STK39: variants seen among roughly 807,000 people sequenced by gnomAD.
STK39 encodes the protein STE20/SPS1-related proline-alanine-rich protein kinase.
In STK39, 20 loss-of-function variants were observed where a neutral mutation model predicts 77.8. The observed-to-expected ratio is 0.26, with a 90% CI of 0.18 to 0.37. The LOEUF (loss-of-function observed/expected upper bound fraction) is 0.37, where lower values mean the gene tolerates loss of function less well. Among genes scored for constraint, STK39 ranks in the 10% least tolerant of loss-of-function variants. The pLI is 1.00. For synonymous variants in STK39, 246 were observed against 234.1 expected (o/e 1.05, Z -0.47); for missense variants, 479 against 656.5 (o/e 0.73, Z 2.95).
intron 10 of STK39, among the ~76,000 whole-genome samples, chr2:168,108,684 G>A (rs919926302): frequency 2.0e-5 from 3 of 152,100 alleles, no homozygotes; most frequent in Non-Finnish European, 4.4e-5. Flanking sequence ...GTCTGTCATA[G>A]GTAAGAAATC....
At position 168,022,882 on chromosome 2, in the gene STK39, A is replaced by G. The variant is rs114939025; in HGVS notation, c.1377-5787T>C. On this transcript the variant is annotated intron_variant, in intron 14 of 17. Transcript: ENST00000355999. ...AGAAACCTAACGAAAAGAAAATACA[A>G]TTCATAAACTTATAAAACTGAAATT... is the stretch of plus-strand genomic sequence containing the variant. Among the ~76,000 whole-genome samples, 525 of 152,326 alleles carry G rather than the reference A, an allele frequency of 3.4e-3. 3 individuals are homozygous for G. The highest frequency in any genetic ancestry group is 0.012 in the African/African-American group (508 of 41,564).
intron 1 of STK39, among the ~76,000 whole-genome samples, chr2:168,201,459 G>A (rs1254183135): frequency 1.3e-5 from 2 of 152,194 alleles, no homozygotes; most frequent in Non-Finnish European, 2.9e-5. Context: ...ATTCATTTCA[G>A]GAGCTAGCAA....
chr2:168,212,231 A>G (rs2105699775), intron 1 of STK39, among the ~76,000 whole-genome samples: 1 of 152,352 alleles, frequency 6.6e-6, no homozygotes, highest in African/African-American at 2.4e-5. Flanking sequence ...TGCTTAACAA[A>G]CAGACCAGAC....
intron 1 of STK39, among the ~76,000 whole-genome samples, chr2:168,187,006 T>C (rs1030771333): frequency 6.6e-5 from 10 of 152,236 alleles, no homozygotes; most frequent in Non-Finnish European, 1.3e-4. Context: ...TGTGAATTAA[T>C]ATTCCATAGC....
chr2:168,133,033 A>G (rs553529174), intron 8 of STK39, among the ~76,000 whole-genome samples: 1 of 152,290 alleles, frequency 6.6e-6, no homozygotes, highest in East Asian at 1.9e-4. Context: ...GACTCGTGCT[A>G]GCAAAAAAAG....
chr2:168,070,427 T>C (rs996012853), intron 12 of STK39, among the ~76,000 whole-genome samples: 2 of 151,972 alleles, frequency 1.3e-5, no homozygotes, highest in African/African-American at 2.4e-5. Flanking sequence ...AGTGGGTGAC[T>C]AATACTTCGA....
At chr2:168,035,205 T>C (rs1289301169) in intron 14 of STK39, among the ~76,000 whole-genome samples, 2 of 152,202 alleles carry the variant, frequency 1.3e-5, no homozygotes, top group African/African-American at 2.4e-5. Context: ...ATAAGGATGT[T>C]TGTGATGGTG....
At chr2:168,170,169 T>C (rs1168130670) in intron 2 of STK39, among the ~76,000 whole-genome samples, 1 of 152,144 alleles carries the variant, frequency 6.6e-6, no homozygotes, top group Admixed American at 6.5e-5. Flanking sequence ...TCCACAAAAC[T>C]ATCCCCTCCA....
At chr2:168,109,222 C>T (rs969257075) in intron 10 of STK39, among the ~76,000 whole-genome samples, 11 of 152,150 alleles carry the variant, frequency 7.2e-5, no homozygotes, top group Non-Finnish European at 1.5e-4. Context: ...ATACCCTAGC[C>T]TCAGTCACTA....
intron 10 of STK39, among the ~76,000 whole-genome samples, chr2:168,080,638 A>T (rs1425713345): frequency 6.6e-6 from 1 of 152,196 alleles, no homozygotes; most frequent in East Asian, 1.9e-4. Flanking sequence ...TCCAAAAAAA[A>T]AAAAATGTTA....
chr2:168,005,895 C>T (rs1684121333), intron 16 of STK39, among the ~76,000 whole-genome samples: 2 of 152,138 alleles, frequency 1.3e-5, no homozygotes. Flanking sequence ...GGGGCATGAA[C>T]AATAGTCCAA....
At chr2:168,038,944 G>C (rs898108507) in intron 14 of STK39, among the ~76,000 whole-genome samples, 2 of 152,136 alleles carry the variant, frequency 1.3e-5, no homozygotes, top group African/African-American at 2.4e-5. Context: ...TACACTGCTG[G>C]TGGGACTGTA....
intron 2 of STK39, among the ~76,000 whole-genome samples, chr2:168,171,611 T>C (rs1191349715): frequency 6.6e-6 from 1 of 152,044 alleles, no homozygotes; most frequent in Admixed American, 6.5e-5. Flanking sequence ...TCAAGCCTCC[T>C]GAGTAGCAGG....
chr2:167,991,186 C>T (rs542061079), intron 16 of STK39, among the ~76,000 whole-genome samples: 15 of 152,298 alleles, frequency 9.8e-5, no homozygotes, highest in Admixed American at 9.1e-4. Context: ...ATTGAAAGCA[C>T]ACATGTGCTT....
intron 11 of STK39, 49 bp from the exon 12 acceptor site, chr2:168,075,060 C>A (rs746060200): frequency 1.4e-5 from 23 of 1,613,896 alleles, no homozygotes; most frequent in Middle Eastern, 1.6e-4. Flanking sequence ...CACACAATCA[C>A]AAAAATAAAA....
At chr2:168,230,104 T>G (rs1000545196) in intron 1 of STK39, among the ~76,000 whole-genome samples, 1 of 152,216 alleles carries the variant, frequency 6.6e-6, no homozygotes, top group African/African-American at 2.4e-5. Flanking sequence ...ATCTTCCTTG[T>G]GCTAAATTGA....
intron 16 of STK39, among the ~76,000 whole-genome samples, chr2:167,992,115 G>C (rs1683714417): frequency 6.6e-6 from 1 of 152,202 alleles, no homozygotes; most frequent in African/African-American, 2.4e-5. Flanking sequence ...AAGTTCAAAA[G>C]TCTTCAGGGG....
At chr2:167,971,462 G>A (rs1488083137) in intron 16 of STK39, among the ~76,000 whole-genome samples, 3 of 151,982 alleles carry the variant, frequency 2.0e-5, no homozygotes, top group Non-Finnish European at 4.4e-5. Flanking sequence ...CTGCACGTAG[G>A]TAGGAAAAAA....
At chr2:168,229,818 T>C (rs1690406596) in intron 1 of STK39, among the ~76,000 whole-genome samples, 1 of 152,122 alleles carries the variant, frequency 6.6e-6, no homozygotes. Context: ...ACCTCAAGGC[T>C]AAAAAAGGAT....
Sources: allele counts gnomAD v4.1 joint callset (sites outside exome capture counted in the v4.1 genomes callset), GRCh38; gene constraint gnomAD v4.1.1; transcripts MANE v1.5; gene names NCBI Gene and HGNC (gene_info 2026-07-23, HGNC 2026-07-21).